RAP1GAP2: variants seen among roughly 807,000 people sequenced by gnomAD.
The protein encoded by RAP1GAP2 is RAP1 GTPase activating protein 2, also known as rap1 GTPase-activating protein 2.
A neutral mutation model predicts 95.0 loss-of-function variants in RAP1GAP2; 27 were observed. That is an observed-to-expected ratio of 0.28 (90% CI 0.21 to 0.39). The LOEUF (loss-of-function observed/expected upper bound fraction) is 0.39. Among genes scored for constraint, RAP1GAP2 ranks in the 10% least tolerant of loss-of-function variants. The pLI is 1.00. For missense variants in RAP1GAP2, 771 were observed against 970.0 expected (o/e 0.79, Z 2.72); for synonymous variants, 373 against 380.9 (o/e 0.98, Z 0.24).
chr17:2,993,950 C>T (rs566343936), intron 12 of RAP1GAP2, among the ~76,000 whole-genome samples: 8 of 151,582 alleles, frequency 5.3e-5, no homozygotes, highest in African/African-American at 1.7e-4. Flanking sequence ...CAGGCTGAGG[C>T]GAGGAGGATC....
chr17:2,777,971 AG>A (rs2068543997), intron 1 of RAP1GAP2, among the ~76,000 whole-genome samples: 2 of 77,400 alleles, frequency 2.6e-5, no homozygotes, highest in African/African-American at 4.9e-5. Flanking sequence ...GGAGGCGGGG[AG>A]GCTGGGAGGC....
At position 3,005,718 on chromosome 17, in the gene RAP1GAP2, C is replaced by T. The variant is rs987122152; in HGVS notation, c.1273-237C>T. ...TGAGCCCCGGTCAAGGAGCCTTGGG[C>T]AGGAATGAGCTCCAGTCGTGGAAGT... On this transcript the variant is annotated intron_variant, in intron 15 of 24. Transcript: ENST00000254695. The surrounding 1 kb of genome is among the most constrained non-coding windows in gnomAD (Gnocchi z 5.2). Among the ~76,000 whole-genome samples, 4 of 152,128 alleles carry T rather than the reference C, an allele frequency of 2.6e-5. No homozygotes were observed. Among genetic ancestry groups the T allele is most frequent in the Admixed American group, 6.5e-5 (1 of 15,270 alleles).
chr17:2,941,900 T>C (rs1474071989), intron 3 of RAP1GAP2, among the ~76,000 whole-genome samples: 1 of 152,144 alleles, frequency 6.6e-6, no homozygotes, highest in East Asian at 1.9e-4. Context: ...TCAGGCTGGT[T>C]TTGAACTCCT....
chr17:2,764,608 C>G (rs2068242661), intron 1 of RAP1GAP2, among the ~76,000 whole-genome samples: 1 of 152,094 alleles, frequency 6.6e-6, no homozygotes, highest in South Asian at 2.1e-4. Context: ...ATAATCCCAG[C>G]TACTCAGGAG....
At chr17:2,839,320 A>C (rs115847495) in intron 2 of RAP1GAP2, among the ~76,000 whole-genome samples, 6,153 of 152,188 alleles carry the variant, frequency 0.04, 379 homozygotes, top group African/African-American at 0.13. Context: ...AATAATAAAA[A>C]AAAAAAGAAT....
upstream of RAP1GAP2, among the ~76,000 whole-genome samples, chr17:2,791,802 G>A (rs1597315089): frequency 6.6e-6 from 1 of 151,882 alleles, no homozygotes; most frequent in East Asian, 1.9e-4. Context: ...GCTGGGCTGT[G>A]CTTGATGGGG....
chr17:2,882,350 G>A (rs2073337179), intron 2 of RAP1GAP2, among the ~76,000 whole-genome samples: 1 of 150,450 alleles, frequency 6.6e-6, no homozygotes, highest in Non-Finnish European at 1.5e-5. Context: ...GGAGTGCAGT[G>A]GCACAATCTC....
At chr17:2,997,573 C>T (rs574916774) in intron 13 of RAP1GAP2, among the ~76,000 whole-genome samples, 6 of 152,116 alleles carry the variant, frequency 3.9e-5, no homozygotes, top group African/African-American at 7.2e-5. Context: ...GTAAGATGCT[C>T]GCTAGCCTCT....
In RAP1GAP2 at chr17:2,790,655, G is replaced by A. The variant is rs751899429; in HGVS notation, c.-13-9860G>A. On this transcript the variant is annotated intron_variant, in intron 1 of 24. Coordinates refer to the RAP1GAP2 transcript ENST00000540393. ...AGACCACCTAGTGCCTGCTTCACTCGGGACATCTGTTTCCTGAGCTTCCTG... is the reference window on the plus strand; with the variant it reads ...AGACCACCTAGTGCCTGCTTCACTCAGGACATCTGTTTCCTGAGCTTCCTG... 9.8e-5 allele frequency among the ~76,000 whole-genome samples: 15 copies of A among 152,302 alleles called. No homozygotes were observed. In the Middle Eastern group the frequency reaches 0.01, roughly 104 times the overall value.
At chr17:2,773,766 T>TATTC (rs2068441971), upstream of RAP1GAP2, among the ~76,000 whole-genome samples, 3 of 135,054 alleles carry the variant, frequency 2.2e-5, no homozygotes, top group Admixed American at 7.4e-5. Flanking sequence ...TTTATTTATT[T>TATTC]ATTCTTTTTT....
At chr17:2,832,777 T>A (rs2070945593) in intron 2 of RAP1GAP2, among the ~76,000 whole-genome samples, 1 of 150,788 alleles carries the variant, frequency 6.6e-6, no homozygotes, top group Non-Finnish European at 1.5e-5. Context: ...GGAATTCGAG[T>A]CCAGCCTGGC....
chr17:2,949,427 C>T (rs2043830841), intron 3 of RAP1GAP2, among the ~76,000 whole-genome samples: 1 of 152,102 alleles, frequency 6.6e-6, no homozygotes, highest in Non-Finnish European at 1.5e-5. Context: ...TGCTGTGTGC[C>T]CTGAGCATTA....
At chr17:2,885,356 C>T (rs60343687) in intron 2 of RAP1GAP2, among the ~76,000 whole-genome samples, 2,739 of 152,290 alleles carry the variant, frequency 0.018, 29 homozygotes, top group Middle Eastern at 0.037. Flanking sequence ...TTGGCAGATC[C>T]GGCTGGAAGG....
chr17:2,982,371 A>G (rs1455842999), intron 10 of RAP1GAP2, among the ~76,000 whole-genome samples: 1 of 152,128 alleles, frequency 6.6e-6, no homozygotes, highest in East Asian at 1.9e-4. Context: ...AACTGACCTC[A>G]GGTGATCTGC....
In RAP1GAP2 at chr17:3,026,113, C is replaced by A. The variant is rs1352791361; in HGVS notation, c.1857C>A (p.Asn619Lys). 1 of 1,607,478 alleles carries A rather than the reference C, an allele frequency of 6.2e-7. No individual in the cohort carries two copies. Among genetic ancestry groups the A allele is most frequent in the Non-Finnish European group, 8.5e-7 (1 of 1,174,018 alleles). Residue 619 changes from asparagine (N) to lysine (K), a missense_variant, in exon 20 of 25, where the codon AAC becomes AAA. Coordinates refer to ENST00000254695, the MANE Select transcript of RAP1GAP2 (RefSeq NM_015085.5). Reference sequence around the variant, plus strand: ...CCAGCTCTCCGGAAATCTGCCCCAACAAGGAGAAGTAAGAGAGTGAGGGTG... The same window carrying A: ...CCAGCTCTCCGGAAATCTGCCCCAAAAAGGAGAAGTAAGAGAGTGAGGGTG... ...SNPSSPEICP[N>K]KEKPFMKLKE...
At position 3,034,364 on chromosome 17, in the gene RAP1GAP2, G is replaced by A. The variant is rs909317691; in HGVS notation, c.*1003G>A. On this transcript the variant is annotated 3_prime_UTR_variant, in exon 25 of 25. Coordinates refer to ENST00000254695, the MANE Select transcript of RAP1GAP2 (RefSeq NM_015085.5). This position sits in a 1 kb window ranked among gnomAD's most constrained non-coding sequence, Gnocchi z 5.1. ...CTGACAATGGGGGTTCAAGGAAGACGTCGTTATCTCCCCTCCCCACTTACT... is the reference window on the plus strand; with the variant it reads ...CTGACAATGGGGGTTCAAGGAAGACATCGTTATCTCCCCTCCCCACTTACT... The A allele has an allele frequency of 8.2e-6, 2 of 245,034 alleles. No homozygotes were observed. The highest frequency in any genetic ancestry group is 2.4e-5 in the African/African-American group (1 of 42,314). The allele number at this position is 245,034 out of a possible 1,614,324, so 15.2% of individuals were successfully genotyped here. A position where few individuals can be genotyped will look rare whatever the true frequency, so the allele number is the denominator to read the frequency against.
chr17:2,841,420 C>T (rs1441186888), intron 2 of RAP1GAP2, among the ~76,000 whole-genome samples: 2 of 150,726 alleles, frequency 1.3e-5, no homozygotes, highest in Non-Finnish European at 2.9e-5. Context: ...TCTCCTGCCT[C>T]AGCCTCCTGA....
chr17:2,910,802 T>G (rs999907710), intron 3 of RAP1GAP2, among the ~76,000 whole-genome samples: 3 of 152,164 alleles, frequency 2.0e-5, no homozygotes, highest in Non-Finnish European at 4.4e-5. Context: ...CTCGGCTCCC[T>G]GCAACCTCCG....
chr17:2,985,422 C>T (rs2045520390), intron 11 of RAP1GAP2, among the ~76,000 whole-genome samples: 1 of 152,174 alleles, frequency 6.6e-6, no homozygotes, highest in East Asian at 1.9e-4. Flanking sequence ...GCCCAAATTT[C>T]TCCCCACTGG....
Sources: gnomAD v4.1 joint callset for allele counts (sites outside exome capture counted in the v4.1 genomes callset) on GRCh38, gnomAD v4.1.1 for gene constraint, Gnocchi (gnomAD v3.1) non-coding constraint, MANE v1.5 for transcripts, NCBI Gene and HGNC (gene_info 2026-07-23, HGNC 2026-07-21) for gene names.